The following DIP2A variants were observed in gnomAD, a reference collection of about 807,000 sequenced individuals.
The protein encoded by DIP2A is disco-interacting protein 2 homolog A.
In DIP2A, 85 loss-of-function variants were observed where a neutral mutation model predicts 177.4. That is an observed-to-expected ratio of 0.48 (90% CI 0.40 to 0.57). The LOEUF (loss-of-function observed/expected upper bound fraction) is 0.57. Ranked by LOEUF, DIP2A falls within the 20% of genes least tolerant of loss-of-function variation. The pLI is 0.00. For synonymous variants in DIP2A, 886 were observed against 881.8 expected (o/e 1.00, Z -0.08); for missense variants, 1,791 against 2,100.2 (o/e 0.85, Z 2.88).
rs776245806 is a variant in DIP2A at position 46,566,664 on chromosome 21, C to T, written c.4444C>T (p.His1482Tyr). 1.6e-5 allele frequency: 26 copies of T among 1,614,208 alleles called. No individual in the cohort carries two copies. The highest frequency in any genetic ancestry group is 2.2e-5 in the Non-Finnish European group (26 of 1,180,018). ...CATTGAGACCTCTGTCATCCGAGCA[C>T]ACAGGAGCATCGCTGAGTGGTAAGA... is the stretch of plus-strand genomic sequence containing the variant. ...IDIETSVIRAHRSIAECAVFT... is the reference protein window; with the variant it reads ...IDIETSVIRAYRSIAECAVFT... Residue 1482 changes from histidine (H) to tyrosine (Y), a missense_variant, in exon 37 of 38, where the codon CAC becomes TAC. Physicochemically the swap from His to Tyr is moderately conservative, Grantham distance 83 (BLOSUM62 2). Coordinates refer to ENST00000417564, the MANE Select transcript of DIP2A (RefSeq NM_015151.4).
intron 22 of DIP2A, 58 bp from the exon 23 acceptor site, chr21:46,550,485 C>G (rs959865071): frequency 6.5e-7 from 1 of 1,534,414 alleles, no homozygotes; most frequent in Non-Finnish European, 8.9e-7. Flanking sequence ...GTCCCCCACC[C>G]AGCATCTCCC....
chr21:46,492,488 C>G (rs2057071522), intron 3 of DIP2A, among the ~76,000 whole-genome samples: 1 of 152,118 alleles, frequency 6.6e-6, no homozygotes, highest in Non-Finnish European at 1.5e-5. Flanking sequence ...TTCCTTCTTG[C>G]ACCTTTAAGA....
chr21:46,498,708 C>A lies in DIP2A; in HGVS notation c.530C>A (p.Ser177Ter). The change falls in exon 5 of 38, where the codon TCA (serine) becomes TAA (stop). Residue 177 changes from serine (S) to a stop codon, truncating the protein, a stop_gained. Transcript: ENST00000417564. LOFTEE classifies it high-confidence loss of function. The surrounding 1 kb of genome is among the most constrained non-coding windows in gnomAD (Gnocchi z 4.3). ...LDRVIQGSST[S>*]SSASSTSSHP... Reference sequence around the variant, plus strand: ...CGGGTCATTCAGGGCTCGTCCACCTCATCCTCTGCATCCTCCACCTCATCT... The same window carrying A: ...CGGGTCATTCAGGGCTCGTCCACCTAATCCTCTGCATCCTCCACCTCATCT... The A allele has an allele frequency of 6.2e-7, 1 of 1,613,952 alleles. No individual in the cohort carries two copies. The highest frequency in any genetic ancestry group is 2.2e-5 in the East Asian group (1 of 44,868).
Position 46,533,507 on chromosome 21 carries a change from C to T in DIP2A, c.1306-17C>T. 6.2e-7 allele frequency: 1 copy of T among 1,610,950 alleles called. No homozygotes were observed. The highest frequency in any genetic ancestry group is 8.5e-7 in the Non-Finnish European group (1 of 1,178,568). ...CTGTGAGCACCCCACCCCACACGGT[C>T]ACTCTGCTTTCTGCAGGATGCAGGC... On this transcript the variant is annotated splice_polypyrimidine_tract_variant and intron_variant, in intron 10 of 37. Coordinates refer to ENST00000417564, the MANE Select transcript of DIP2A (RefSeq NM_015151.4).
intron 2 of DIP2A, among the ~76,000 whole-genome samples, chr21:46,486,388 C>A (rs1035105009): frequency 6.6e-6 from 1 of 152,114 alleles, no homozygotes; most frequent in African/African-American, 2.4e-5. Flanking sequence ...GAGATGGGGT[C>A]TCGCTATGTT....
Position 46,556,743 on chromosome 21 carries a change from T to C in DIP2A, c.3499-196T>C, listed in dbSNP as rs1051386583. 85 of 550,144 alleles carry C rather than the reference T, an allele frequency of 1.5e-4. 1 individual carries two copies. The Admixed American group carries it at 1.6e-3, about 10-fold the overall frequency. 34.1% of individuals were successfully genotyped at this position (550,144 alleles called of 1,614,324 possible). ...TTACCCTGAAATTTTGTTTCAAAGA[T>C]TTTTAGTGTACCATTTCTTGGGTAT... On this transcript the variant is annotated intron_variant, in intron 29 of 37. Transcript: ENST00000417564. The surrounding 1 kb of genome is among the most constrained non-coding windows in gnomAD (Gnocchi z 4.5).
At chr21:46,522,910 T>A (rs886652579) in intron 8 of DIP2A, among the ~76,000 whole-genome samples, 3 of 152,064 alleles carry the variant, frequency 2.0e-5, no homozygotes, top group Non-Finnish European at 4.4e-5. Flanking sequence ...TGCTCTTTTA[T>A]TTTTTTAATT....
In DIP2A at chr21:46,539,996, C is replaced by T; in HGVS notation, c.2036+5C>T. 2 of 1,610,160 alleles carry T rather than the reference C, an allele frequency of 1.2e-6. No homozygotes were observed. Among genetic ancestry groups the T allele is most frequent in the Non-Finnish European group, 1.7e-6 (2 of 1,176,420 alleles). ...GCTGACTGTCGCCATCCGCAGGTAA[C>T]CTTATTCCTTGCTATGTCTCATGAG... On this transcript the variant is annotated splice_donor_5th_base_variant and intron_variant, in intron 17 of 37. Coordinates refer to ENST00000417564, the MANE Select transcript of DIP2A (RefSeq NM_015151.4).
chr21:46,504,469 G>C lies in DIP2A; in HGVS notation c.764G>C (p.Ser255Thr), dbSNP rs766193101. The change falls in exon 6 of 38, where the codon AGC becomes ACC. Residue 255 changes from serine to threonine, a missense_variant. Coordinates refer to ENST00000417564, the MANE Select transcript of DIP2A (RefSeq NM_015151.4). ...AGTGTTCCTCGGGGGTGCAGCGGGA[G>C]CATGCTGGAAACAGCAGATGGTGAG... ...VRSVPRGCSG[S>T]MLETADGVPV... is the part of the protein sequence containing the mutation. 1.2e-5 allele frequency: 20 copies of C among 1,611,160 alleles called. No homozygotes were observed. Among genetic ancestry groups the C allele is most frequent in the Middle Eastern group, 1.7e-4 (1 of 5,862 alleles).
chr21:46,579,014 A>G, the DIP2A span, among the ~76,000 whole-genome samples: 1 of 152,172 alleles, frequency 6.6e-6, no homozygotes, highest in African/African-American at 2.4e-5. Context: ...ATTGTTTGGA[A>G]TAGTTTCAGA....
intron 5 of DIP2A, among the ~76,000 whole-genome samples, chr21:46,503,232 A>G (rs931457336): frequency 2.6e-5 from 4 of 151,088 alleles, no homozygotes; most frequent in African/African-American, 9.7e-5. Context: ...CTGAGACAGG[A>G]GAATTGCTTG....
intron 4 of DIP2A, among the ~76,000 whole-genome samples, chr21:46,497,778 C>A (rs935476469): frequency 6.6e-6 from 1 of 152,118 alleles, no homozygotes; most frequent in Non-Finnish European, 1.5e-5. Flanking sequence ...TAAAACCAAA[C>A]ACACCAGATT....
intron 1 of DIP2A, among the ~76,000 whole-genome samples, chr21:46,477,568 T>TGTGTGTGTGTGTGTGTGTG: frequency 8.8e-6 from 1 of 113,312 alleles, no homozygotes; most frequent in African/African-American, 3.0e-5. Flanking sequence ...TGTGTGTGTG[T>TGTGTGTGTGTGTGTGTGTG]ATTTCTTTTT....
At chr21:46,484,624 T>G in intron 1 of DIP2A, 133 bp from the exon 2 acceptor site, 1 of 720,122 alleles carries the variant, frequency 1.4e-6, no homozygotes, top group Non-Finnish European at 2.2e-6. Context: ...TATGGGTCCA[T>G]TATAGTTTAT....
intron 8 of DIP2A, among the ~76,000 whole-genome samples, 192 bp downstream of exon 8, chr21:46,511,806 T>C (rs1460271110): frequency 6.6e-6 from 1 of 152,200 alleles, no homozygotes; most frequent in East Asian, 1.9e-4. Context: ...GTGACTGCCA[T>C]TGCTCTGGGT....
intron 8 of DIP2A, among the ~76,000 whole-genome samples, chr21:46,528,527 C>CTTTTTGTTTTTTT (rs2059208466): frequency 3.4e-5 from 1 of 29,380 alleles, no homozygotes; most frequent in Non-Finnish European, 5.6e-5. Flanking sequence ...TTTCTGCTTG[C>CTTTTTGTTTTTTT]TTTTTTTTTT....
chr21:46,459,356 C>T, intron 1 of DIP2A, 134 bp downstream of exon 1: 1 of 697,692 alleles, frequency 1.4e-6, no homozygotes. Flanking sequence ...CCCCACGCGG[C>T]CTCGCCCCTG....
chr21:46,576,365 A>G, the DIP2A span, among the ~76,000 whole-genome samples: 2 of 152,164 alleles, frequency 1.3e-5, no homozygotes, highest in East Asian at 3.8e-4. Context: ...ATAAGTGAGA[A>G]CATGTGGTGT....
At chr21:46,554,786 G>GGGGGGGGGGGCCCCCCC in intron 27 of DIP2A, 36 bp from the exon 28 acceptor site, 6 of 1,519,014 alleles carry the variant, frequency 3.9e-6, no homozygotes, top group Non-Finnish European at 4.4e-6. Flanking sequence ...AGCTTGAGAG[G>GGGGGGGGGGGCCCCCCC]CCCCGCCCAC....
Sources: gnomAD v4.1 joint callset for allele counts (sites outside exome capture counted in the v4.1 genomes callset) on GRCh38, gnomAD v4.1.1 for gene constraint, Gnocchi (gnomAD v3.1) non-coding constraint, MANE v1.5 for transcripts, NCBI Gene and HGNC (gene_info 2026-07-23, HGNC 2026-07-21) for gene names.